TAFA1: variants seen among roughly 807,000 people sequenced by gnomAD.
TAFA1 encodes the protein chemokine-like protein TAFA-1.
In TAFA1, 4 loss-of-function variants were observed where a neutral mutation model predicts 18.5. That is an observed-to-expected ratio of 0.22 (90% confidence interval 0.11 to 0.49). The LOEUF (loss-of-function observed/expected upper bound fraction) is 0.49, where lower values mean the gene tolerates loss of function less well. Ranked by LOEUF, TAFA1 falls within the 20% of genes least tolerant of loss-of-function variation. The pLI is 0.98. For missense variants in TAFA1, 147 were observed against 169.0 expected (o/e 0.87, Z 0.72); for synonymous variants, 56 against 55.2 (o/e 1.01, Z -0.06).
At chr3:68,041,768 G>A (rs1173058110) in intron 2 of TAFA1, among the ~76,000 whole-genome samples, 1 of 152,110 alleles carries the variant, frequency 6.6e-6, no homozygotes, top group East Asian at 1.9e-4. Flanking sequence ...CCTTTGATTC[G>A]AATGTATCTT....
At chr3:68,041,170 CT>C (rs1367243302) in intron 2 of TAFA1, among the ~76,000 whole-genome samples, 1 of 152,158 alleles carries the variant, frequency 6.6e-6, no homozygotes, top group Non-Finnish European at 1.5e-5. Context: ...GAAAAAATCC[CT>C]TTTATTCCAG....
At chr3:68,447,304 C>A (rs1052306585) in intron 3 of TAFA1, among the ~76,000 whole-genome samples, 1 of 152,190 alleles carries the variant, frequency 6.6e-6, no homozygotes, top group African/African-American at 2.4e-5. Flanking sequence ...GTTCATCTCA[C>A]TATTGAGTGC....
chr3:68,487,751 C>CAA (rs35345325), intron 3 of TAFA1, among the ~76,000 whole-genome samples: 1,311 of 66,748 alleles, frequency 0.02, 41 homozygotes, highest in African/African-American at 0.063. Flanking sequence ...AACTCTGTCT[C>CAA]AAAAAAAAAA....
chr3:68,381,506 G>A (rs368421528), intron 2 of TAFA1, among the ~76,000 whole-genome samples: 48 of 152,124 alleles, frequency 3.2e-4, no homozygotes, highest in Admixed American at 7.2e-4. Flanking sequence ...AGTTGGATTC[G>A]CAGGTATTTT....
At chr3:68,497,520 G>A (rs759443448) in intron 3 of TAFA1, among the ~76,000 whole-genome samples, 2 of 152,126 alleles carry the variant, frequency 1.3e-5, no homozygotes, top group Non-Finnish European at 2.9e-5. Context: ...CAGTTGGGAG[G>A]GTGGAAGGGT....
At chr3:68,334,822 T>C (rs1341409398) in intron 2 of TAFA1, among the ~76,000 whole-genome samples, 1 of 152,098 alleles carries the variant, frequency 6.6e-6, no homozygotes, top group African/African-American at 2.4e-5. Context: ...TCTTGCTGTT[T>C]GTTGTATCTT....
chr3:68,416,106 A>G (rs2070832495), intron 2 of TAFA1, among the ~76,000 whole-genome samples: 1 of 152,004 alleles, frequency 6.6e-6, no homozygotes, highest in South Asian at 2.1e-4. Flanking sequence ...AATATCTCCA[A>G]ACTGGCCAGC....
At chr3:68,245,031 C>G (rs890480346) in intron 2 of TAFA1, among the ~76,000 whole-genome samples, 4 of 152,132 alleles carry the variant, frequency 2.6e-5, no homozygotes, top group Admixed American at 6.5e-5. Flanking sequence ...ATCTATCAAG[C>G]CTTTATTTTG....
chr3:68,418,062 A>G (rs984478046), intron 3 of TAFA1, among the ~76,000 whole-genome samples: 4 of 152,150 alleles, frequency 2.6e-5, no homozygotes, highest in African/African-American at 7.2e-5. Flanking sequence ...GTCAAGAAAC[A>G]TGAAGGTCCA....
chr3:68,386,605 A>G (rs927731487), intron 2 of TAFA1, among the ~76,000 whole-genome samples: 9 of 152,096 alleles, frequency 5.9e-5, no homozygotes, highest in Admixed American at 4.6e-4. Context: ...TTTTTTGACA[A>G]CTATCCTTCC....
At chr3:68,512,876 A>G (rs2072870393) in intron 3 of TAFA1, among the ~76,000 whole-genome samples, 1 of 152,132 alleles carries the variant, frequency 6.6e-6, no homozygotes, top group Non-Finnish European at 1.5e-5. Flanking sequence ...CTCTTTAGAA[A>G]AAAATTCACC....
chr3:68,362,300 A>G (rs2069482656), intron 2 of TAFA1, among the ~76,000 whole-genome samples: 1 of 152,134 alleles, frequency 6.6e-6, no homozygotes, highest in Admixed American at 6.6e-5. Context: ...ATGCTGTGAG[A>G]GTTAAAAGGG....
At chr3:68,445,043 GAATAGAGCCC>G (rs1399174537) in intron 3 of TAFA1, among the ~76,000 whole-genome samples, 1 of 151,932 alleles carries the variant, frequency 6.6e-6, no homozygotes, top group Non-Finnish European at 1.5e-5. Flanking sequence ...GTTATCTTGA[GAATAGAGCCC>G]ATATCTGTGT....
chr3:68,351,126 G>A (rs1377768935), intron 2 of TAFA1, among the ~76,000 whole-genome samples: 1 of 152,048 alleles, frequency 6.6e-6, no homozygotes, highest in Non-Finnish European at 1.5e-5. Flanking sequence ...CAAATTTCTG[G>A]TGCTAGAACC....
intron 2 of TAFA1, among the ~76,000 whole-genome samples, chr3:68,053,407 G>A (rs2064496226): frequency 6.6e-6 from 1 of 152,070 alleles, no homozygotes; most frequent in South Asian, 2.1e-4. Context: ...TAAGCCATGA[G>A]CATGAACTAC....
At chr3:68,135,216 T>C (rs995817607) in intron 2 of TAFA1, among the ~76,000 whole-genome samples, 57 of 152,226 alleles carry the variant, frequency 3.7e-4, no homozygotes, top group African/African-American at 1.3e-3. Flanking sequence ...GAAAATGCAG[T>C]TTTTTAACTG....
At chr3:68,487,922 C>T (rs1248170723) in intron 3 of TAFA1, among the ~76,000 whole-genome samples, 1 of 151,678 alleles carries the variant, frequency 6.6e-6, no homozygotes, top group East Asian at 1.9e-4. Flanking sequence ...GAGGGTTTTA[C>T]AGAAAGAAGC....
chr3:68,002,126 T>C (rs1704289976), upstream of TAFA1, among the ~76,000 whole-genome samples: 1 of 152,206 alleles, frequency 6.6e-6, no homozygotes, highest in South Asian at 2.1e-4. Context: ...TGCTTTGAGT[T>C]GGGAGAATAC....
chr3:68,534,227 C>T (rs926496687), intron 3 of TAFA1, among the ~76,000 whole-genome samples: 1 of 152,148 alleles, frequency 6.6e-6, no homozygotes, highest in Non-Finnish European at 1.5e-5. Context: ...TGACACCTGG[C>T]TGTTCTCTCT....
Sources: allele counts gnomAD v4.1 joint callset (sites outside exome capture counted in the v4.1 genomes callset), GRCh38; gene constraint gnomAD v4.1.1; transcripts MANE v1.5; gene names NCBI Gene and HGNC (gene_info 2026-07-23, HGNC 2026-07-21).